Variants in PTPRN2 observed in about 807,000 individuals in gnomAD.
PTPRN2 encodes protein tyrosine phosphatase receptor type N2.
A neutral mutation model predicts 118.8 loss-of-function variants in PTPRN2; 74 were observed. The ratio of observed to expected loss-of-function variants is 0.62; its 90% CI spans 0.52 to 0.76. The LOEUF is 0.76. Ranked by LOEUF, PTPRN2 falls within the 30% of genes least tolerant of loss-of-function variation. The pLI is 0.00. For synonymous variants in PTPRN2, 641 were observed against 608.0 expected (o/e 1.05, Z -0.80); for missense variants, 1,481 against 1,394.4 (o/e 1.06, Z -0.99).
chr7:157,940,738 C>T (rs1205224099), intron 11 of PTPRN2, among the ~76,000 whole-genome samples: 1 of 65,750 alleles, frequency 1.5e-5, no homozygotes, highest in Admixed American at 1.8e-4. Flanking sequence ...CGCCCTGCCC[C>T]ATGACACTGC....
intron 3 of PTPRN2, among the ~76,000 whole-genome samples, chr7:158,308,954 T>C (rs1256071134): frequency 6.6e-6 from 1 of 152,182 alleles, no homozygotes; most frequent in Non-Finnish European, 1.5e-5. Context: ...TGAATATGCC[T>C]ATAATAATTA....
chr7:157,577,993 C>G (rs368800952), intron 18 of PTPRN2, 28 bp downstream of exon 18: 121 of 1,585,270 alleles, frequency 7.6e-5, no homozygotes, highest in Non-Finnish European at 9.7e-5. Flanking sequence ...CTGGTGGGTC[C>G]TGCCCTGGGT....
At position 157,882,819 on chromosome 7, in the gene PTPRN2, C is replaced by A. The variant is rs550904002; in HGVS notation, c.1788+15854G>T. Among the ~76,000 whole-genome samples, 3 of 134,014 alleles carry A rather than the reference C, an allele frequency of 2.2e-5. No individual in the cohort carries two copies. The South Asian group carries it at 7.5e-4, about 34-fold the overall frequency. 87.9% of individuals were successfully genotyped at this position (134,014 alleles called of 152,430 possible). ...ATCAGAGACCAGAACACACCACCCC[C>A]CAAAATGACTGTCGGAGATAAAAAC... is the stretch of plus-strand genomic sequence containing the variant. On this transcript the variant is annotated intron_variant, in intron 12 of 22. Coordinates refer to ENST00000389418, the MANE Select transcript of PTPRN2 (RefSeq NM_002847.5).
At position 157,671,139 on chromosome 7, in the gene PTPRN2, C is replaced by T. The variant is rs1320204094; in HGVS notation, c.2001+11586G>A. 3.4e-5 allele frequency among the ~76,000 whole-genome samples: 5 copies of T among 146,102 alleles called. No homozygotes were observed. The highest frequency in any genetic ancestry group is 2.7e-4 in the Admixed American group (4 of 14,740). ...TCCCCTGCCCACAGACCTGCTCTTA[C>T]CACATCAAGATCTTAGTTCAATGTA... On this transcript the variant is annotated intron_variant, in intron 13 of 22. Transcript: ENST00000389418. The surrounding 1 kb of genome is among the most constrained non-coding windows in gnomAD (Gnocchi z 4.1).
chr7:158,222,361 C>T (rs548443778), intron 3 of PTPRN2, among the ~76,000 whole-genome samples: 7 of 152,140 alleles, frequency 4.6e-5, no homozygotes, highest in Admixed American at 2.6e-4. Flanking sequence ...AAAGAAAATA[C>T]GGTACACATA....
chr7:157,721,121 C>T (rs1001465773), intron 12 of PTPRN2, among the ~76,000 whole-genome samples: 48 of 152,216 alleles, frequency 3.2e-4, no homozygotes, highest in African/African-American at 6.5e-4. Flanking sequence ...CAGAAGACTT[C>T]GGGGCAAAAG....
chr7:158,326,164 C>A (rs1325808892), intron 2 of PTPRN2, among the ~76,000 whole-genome samples: 1 of 152,206 alleles, frequency 6.6e-6, no homozygotes, highest in African/African-American at 2.4e-5. Flanking sequence ...AACAATGGCA[C>A]CCTGCTGTGC....
Position 157,550,945 on chromosome 7 carries a change from G to A in PTPRN2, c.2903-1926C>T, listed in dbSNP as rs551503991. On this transcript the variant is annotated intron_variant, in intron 21 of 22. Transcript: ENST00000389418. The surrounding 1 kb of genome is among the most constrained non-coding windows in gnomAD (Gnocchi z 5.2). ...AAATTTAAAACAGCCTGACACAAAC[G>A]GGTGAGTTTGTGAAATGGTAGAGAG... Among the ~76,000 whole-genome samples, 2 of 152,108 alleles carry A rather than the reference G, an allele frequency of 1.3e-5. No individual in the cohort carries two copies. Among genetic ancestry groups the A allele is most frequent in the Non-Finnish European group, 2.9e-5 (2 of 68,024 alleles).
chr7:158,155,484 TCATCAC>T (rs1257462132), intron 6 of PTPRN2, among the ~76,000 whole-genome samples: 15 of 122,618 alleles, frequency 1.2e-4, no homozygotes, highest in African/African-American at 3.8e-4. Context: ...ATCACCATCA[TCATCAC>T]CATCACCATC....
chr7:158,359,865 C>G (rs1808716584), intron 2 of PTPRN2, among the ~76,000 whole-genome samples: 1 of 152,150 alleles, frequency 6.6e-6, no homozygotes. Flanking sequence ...TTTTAATATA[C>G]AGCACCTTAG....
rs545695151 is a variant in PTPRN2 at position 157,853,270 on chromosome 7, C to T, written c.1788+45403G>A. 1.8e-3 allele frequency among the ~76,000 whole-genome samples: 270 copies of T among 152,216 alleles called. 2 individuals carry two copies. The highest frequency in any genetic ancestry group is 6.1e-3 in the African/African-American group (254 of 41,522). On this transcript the variant is annotated intron_variant, in intron 12 of 22. Coordinates refer to ENST00000389418, the MANE Select transcript of PTPRN2 (RefSeq NM_002847.5). ...AGGCTCACGCTCACATGATGACGGC[C>T]GAGCCGGGCCTGCAACGGAAAGGCC...
intron 6 of PTPRN2, among the ~76,000 whole-genome samples, chr7:158,160,831 T>C (rs1391690623): frequency 1.3e-5 from 2 of 152,272 alleles, no homozygotes. Context: ...TGAGGGCTTA[T>C]GTCTGCAAAA....
chr7:157,850,344 G>A (rs920431788), intron 12 of PTPRN2, among the ~76,000 whole-genome samples: 12 of 142,214 alleles, frequency 8.4e-5, no homozygotes, highest in Non-Finnish European at 1.5e-4. Flanking sequence ...CCTCAGGCTC[G>A]CGTAAGGGAT....
chr7:157,642,362 C>T (rs1250553201), intron 14 of PTPRN2, among the ~76,000 whole-genome samples: 1 of 152,220 alleles, frequency 6.6e-6, no homozygotes, highest in Non-Finnish European at 1.5e-5. Context: ...TTTTATTAAA[C>T]TCGTGTTAGG....
In PTPRN2 at chr7:158,259,583, G is replaced by A. The variant is rs116282725; in HGVS notation, c.278-54310C>T. ...GTGGATTTATAACAAGAGCCCAAGA[G>A]TGGGACTCACTCTTCCCGGGGATCC... On this transcript the variant is annotated intron_variant, in intron 3 of 22. Coordinates refer to ENST00000389418, the MANE Select transcript of PTPRN2 (RefSeq NM_002847.5). 9.7e-3 allele frequency among the ~76,000 whole-genome samples: 1,478 copies of A among 152,282 alleles called. 22 individuals carry two copies. The highest frequency in any genetic ancestry group is 0.033 in the African/African-American group (1,388 of 41,560).
chr7:158,327,478 CAT>C (rs1333334346), intron 2 of PTPRN2, among the ~76,000 whole-genome samples: 10 of 70,742 alleles, frequency 1.4e-4, no homozygotes, highest in Admixed American at 8.5e-4. Context: ...CGTTCTCACA[CAT>C]ACATTCTCAC....
At chr7:157,846,968 G>A (rs1808866227) in intron 12 of PTPRN2, among the ~76,000 whole-genome samples, 1 of 151,062 alleles carries the variant, frequency 6.6e-6, no homozygotes, top group African/African-American at 2.4e-5. Context: ...AATGTTTACA[G>A]AGCCCTCTCT....
At chr7:158,204,111 C>A (rs1476388769) in intron 4 of PTPRN2, among the ~76,000 whole-genome samples, 19 of 151,630 alleles carry the variant, frequency 1.3e-4, no homozygotes, top group Admixed American at 2.6e-4. Flanking sequence ...CCTCGGTGTG[C>A]GCCGCTTGCT....
chr7:157,819,978 G>A (rs953918368), intron 12 of PTPRN2, among the ~76,000 whole-genome samples: 23 of 141,488 alleles, frequency 1.6e-4, no homozygotes, highest in Admixed American at 4.9e-4. Flanking sequence ...ACGTTCACAC[G>A]CACAACACAC....
Sources: gnomAD v4.1 joint callset for allele counts (sites outside exome capture counted in the v4.1 genomes callset) on GRCh38, gnomAD v4.1.1 for gene constraint, Gnocchi (gnomAD v3.1) non-coding constraint, MANE v1.5 for transcripts, NCBI Gene and HGNC (gene_info 2026-07-23, HGNC 2026-07-21) for gene names.